KDM7A: variants seen among roughly 807,000 people sequenced by gnomAD.
KDM7A encodes the protein lysine-specific demethylase 7A.
KDM7A carries 28 observed loss-of-function variants against 114.8 expected under a neutral mutation model. The ratio of observed to expected loss-of-function variants is 0.24; its 90% confidence interval spans 0.18 to 0.33. KDM7A has a LOEUF of 0.33. Among genes scored for constraint, KDM7A ranks in the 10% least tolerant of loss-of-function variants. The probability of loss-of-function intolerance (pLI) is 1.00; values close to 1 mark genes in which losing one functional copy is unlikely to be tolerated. For missense variants in KDM7A, 942 were observed against 1,142.5 expected (o/e 0.82, Z 2.53); for synonymous variants, 423 against 397.8 (o/e 1.06, Z -0.75).
At position 140,170,924 on chromosome 7, in the gene KDM7A, T is replaced by C. The variant is rs1213295114; in HGVS notation, c.194+5820A>G. ...AAACAACAAATTTTAAAATACTGTGTCAGTTAACAAATTGGCAAATTTTTA... is the reference window on the plus strand; with the variant it reads ...AAACAACAAATTTTAAAATACTGTGCCAGTTAACAAATTGGCAAATTTTTA... On this transcript the variant is annotated intron_variant, in intron 1 of 19. Transcript: ENST00000397560. Among the ~76,000 whole-genome samples the C allele has an allele frequency of 4.6e-5, 7 of 152,098 alleles. No homozygotes were observed. In the East Asian group the frequency reaches 1.4e-3, roughly 29 times the overall value.
At chr7:140,152,239 G>C (rs1334340200) in intron 1 of KDM7A, among the ~76,000 whole-genome samples, 2 of 152,182 alleles carry the variant, frequency 1.3e-5, no homozygotes, top group Non-Finnish European at 2.9e-5. Context: ...TGAAAGACGA[G>C]TTACAGTAGG....
At chr7:140,157,874 CAGA>C (rs1453848743) in intron 1 of KDM7A, among the ~76,000 whole-genome samples, 2 of 151,376 alleles carry the variant, frequency 1.3e-5, no homozygotes, top group Non-Finnish European at 2.9e-5. Context: ...GAGGCCAAGA[CAGA>C]AGAATTGCTT....
chr7:140,151,417 C>T (rs909110287), intron 1 of KDM7A, among the ~76,000 whole-genome samples: 2 of 152,146 alleles, frequency 1.3e-5, no homozygotes, highest in African/African-American at 4.8e-5. Context: ...AGCAGGAATG[C>T]CAAGAACATC....
intron 10 of KDM7A, among the ~76,000 whole-genome samples, chr7:140,111,809 C>T (rs1818437529): frequency 6.6e-6 from 1 of 151,856 alleles, no homozygotes; most frequent in African/African-American, 2.4e-5. Context: ...AAATACAAAA[C>T]TAAGCCAGGC....
chr7:140,174,032 C>T (rs7804110), intron 1 of KDM7A, among the ~76,000 whole-genome samples: 9,521 of 151,820 alleles, frequency 0.063, 381 homozygotes, highest in East Asian at 0.13. Context: ...GGCGTGGTGA[C>T]GGGCACCTGT....
intron 8 of KDM7A, among the ~76,000 whole-genome samples, 155 bp from the exon 9 acceptor site, chr7:140,119,374 T>C (rs1342780668): frequency 6.6e-6 from 1 of 152,248 alleles, no homozygotes; most frequent in African/African-American, 2.4e-5. Flanking sequence ...CAAGACTGAA[T>C]TGTGATCTTA....
At position 140,090,770 on chromosome 7, in the gene KDM7A, A is replaced by G. The variant is rs1319758725; in HGVS notation, c.*324T>C. On this transcript the variant is annotated 3_prime_UTR_variant, in exon 20 of 20. Transcript: ENST00000397560. ...AAAAAATCTGTTAAATAAATTATTG[A>G]TAATTCTTTACCCTACCACTGAAAA... The G allele has an allele frequency of 3.6e-6, 1 of 274,800 alleles. No homozygotes were observed. Among genetic ancestry groups the G allele is most frequent in the African/African-American group, 2.2e-5 (1 of 45,786 alleles). The allele number at this position is 274,800 out of a possible 1,614,324, so 17.0% of individuals were successfully genotyped here.
intron 2 of KDM7A, among the ~76,000 whole-genome samples, chr7:140,136,981 C>A (rs1195719011): frequency 6.7e-6 from 1 of 148,978 alleles, no homozygotes; most frequent in East Asian, 1.9e-4. Context: ...CACAAGACTC[C>A]GTCTCAAAAA....
At position 140,094,378 on chromosome 7, in the gene KDM7A, G is replaced by A. The variant is rs185789400; in HGVS notation, c.2375-240C>T. Among the ~76,000 whole-genome samples the A allele has an allele frequency of 2.0e-5, 3 of 152,204 alleles. No individual in the cohort carries two copies. In the East Asian group the frequency reaches 5.8e-4, roughly 29 times the overall value. Reference sequence around the variant, plus strand: ...AAATTAGTTGGGTATGGTGGCGGACGCCTGTAATCTCAGCTACTTGGGAGG... The same window carrying A: ...AAATTAGTTGGGTATGGTGGCGGACACCTGTAATCTCAGCTACTTGGGAGG... On this transcript the variant is annotated intron_variant, in intron 17 of 19. Coordinates refer to ENST00000397560, the MANE Select transcript of KDM7A (RefSeq NM_030647.2).
At chr7:140,160,904 G>A (rs757684) in intron 1 of KDM7A, among the ~76,000 whole-genome samples, 52,565 of 151,934 alleles carry the variant, frequency 0.35, 9,350 homozygotes, top group Middle Eastern at 0.43. Flanking sequence ...CCAAACAGAA[G>A]GGACTGCGTT....
chr7:140,157,305 G>A (rs371582018), intron 1 of KDM7A, among the ~76,000 whole-genome samples: 4 of 152,302 alleles, frequency 2.6e-5, no homozygotes, highest in South Asian at 4.1e-4. Context: ...TCAGCTTTAC[G>A]CTGAACTATG....
intron 1 of KDM7A, among the ~76,000 whole-genome samples, chr7:140,147,395 T>C (rs2116831282): frequency 6.6e-6 from 1 of 152,338 alleles, no homozygotes. Flanking sequence ...TTAAAATTCT[T>C]AACAGCTGGT....
intron 1 of KDM7A, among the ~76,000 whole-genome samples, chr7:140,157,830 G>A (rs1273170667): frequency 1.3e-5 from 2 of 151,380 alleles, no homozygotes; most frequent in Non-Finnish European, 2.9e-5. Flanking sequence ...TTAGTCAGGT[G>A]TGGTGGCACA....
At chr7:140,092,290 A>G (rs533099990) in intron 18 of KDM7A, 41 of 594,266 alleles carry the variant, frequency 6.9e-5, no homozygotes, top group African/African-American at 6.0e-4. Context: ...TTAAGTTAAG[A>G]AGGCGAAAGA....
At chr7:140,129,213 G>A (rs1037943746) in intron 4 of KDM7A, among the ~76,000 whole-genome samples, 1 of 152,106 alleles carries the variant, frequency 6.6e-6, no homozygotes, top group Non-Finnish European at 1.5e-5. Context: ...CTATCCCTCA[G>A]TAATGATTTT....
In KDM7A at chr7:140,103,465, CT is replaced by C. The variant is rs1428823114; in HGVS notation, c.1429-1306del. Among the ~76,000 whole-genome samples, 46 of 148,528 alleles carry C rather than the reference CT, an allele frequency of 3.1e-4. No individual in the cohort carries two copies. In the South Asian group the frequency reaches 4.5e-3, roughly 15 times the overall value. On this transcript the variant is annotated intron_variant, in intron 11 of 19. Transcript: ENST00000397560. ...CTCCTAATGTTATCCCTCCCCCCCC[CT>C]CCAACCCACGACAGGTCCCAGTGTG... is the stretch of plus-strand genomic sequence containing the variant.
chr7:140,129,863 C>G (rs1246763507), intron 3 of KDM7A, among the ~76,000 whole-genome samples: 1 of 151,918 alleles, frequency 6.6e-6, no homozygotes, highest in Non-Finnish European at 1.5e-5. Flanking sequence ...ATACACAATT[C>G]AATACATATA....
At chr7:140,159,960 A>C (rs936897408) in intron 1 of KDM7A, among the ~76,000 whole-genome samples, 81 of 151,810 alleles carry the variant, frequency 5.3e-4, no homozygotes, top group Admixed American at 1.0e-3. Context: ...AAAAAAAAAA[A>C]AAAAACCTGT....
intron 3 of KDM7A, among the ~76,000 whole-genome samples, chr7:140,132,364 A>G (rs1200214989): frequency 1.3e-5 from 2 of 151,482 alleles, no homozygotes; most frequent in Non-Finnish European, 2.9e-5. Flanking sequence ...CAGTGTTTTT[A>G]ACACTACATT....
Sources: allele counts gnomAD v4.1 joint callset (sites outside exome capture counted in the v4.1 genomes callset), GRCh38; gene constraint gnomAD v4.1.1; transcripts MANE v1.5; gene names NCBI Gene and HGNC (gene_info 2026-07-23, HGNC 2026-07-21).